WWOX: variants seen among roughly 807,000 people sequenced by gnomAD.
WWOX encodes the protein WW domain containing oxidoreductase, also known as WW domain-containing oxidoreductase.
A neutral mutation model predicts 46.2 loss-of-function variants in WWOX; 69 were observed. The observed-to-expected ratio is 1.49, with a 90% CI of 1.23 to 1.82. The LOEUF (loss-of-function observed/expected upper bound fraction) is 1.82, where lower values mean the gene tolerates loss of function less well. Among genes scored for constraint, WWOX ranks in the 40% most tolerant of loss-of-function variants. The pLI is 0.00. For missense variants in WWOX, 919 were observed against 542.6 expected, an observed-to-expected ratio of 1.69 and a Z score of -6.89; for synonymous variants, 359 against 202.6, an observed-to-expected ratio of 1.77 and a Z score of -6.56.
chr16:79,195,288 G>A (rs570575595), intron 8 of WWOX, among the ~76,000 whole-genome samples: 4 of 152,238 alleles, frequency 2.6e-5, no homozygotes, highest in African/African-American at 9.6e-5. Flanking sequence ...GCAGGATGGG[G>A]TGGAGGGAGG....
chr16:79,152,447 G>T (rs148996841), intron 8 of WWOX, among the ~76,000 whole-genome samples: 207 of 152,172 alleles, frequency 1.4e-3, no homozygotes, highest in African/African-American at 4.4e-3. Context: ...TGAGGCGGGC[G>T]GATCACGAGG....
chr16:78,994,020 G>A (rs1159625440), intron 8 of WWOX, among the ~76,000 whole-genome samples: 1 of 152,152 alleles, frequency 6.6e-6, no homozygotes, highest in African/African-American at 2.4e-5. Flanking sequence ...AGGGTACCCT[G>A]GACCCCTGTC....
chr16:78,287,201 G>A (rs1232373041), intron 5 of WWOX, among the ~76,000 whole-genome samples: 2 of 152,220 alleles, frequency 1.3e-5, no homozygotes, highest in African/African-American at 2.4e-5. Context: ...TAGTAAATGA[G>A]GCTTCATGCT....
At chr16:78,309,532 A>G (rs1019812658) in intron 5 of WWOX, among the ~76,000 whole-genome samples, 2 of 152,148 alleles carry the variant, frequency 1.3e-5, no homozygotes, top group Non-Finnish European at 2.9e-5. Context: ...TACTCCTTAC[A>G]TATATTGATA....
chr16:78,970,722 T>C (rs1187808638), intron 8 of WWOX, among the ~76,000 whole-genome samples: 3 of 152,034 alleles, frequency 2.0e-5, no homozygotes, highest in African/African-American at 7.3e-5. Context: ...TGTAGAACTT[T>C]CACAGAACAG....
At chr16:78,783,840 ATGATGATGGTGATATGACGC>A (rs150547806) in intron 8 of WWOX, among the ~76,000 whole-genome samples, 30 of 151,404 alleles carry the variant, frequency 2.0e-4, no homozygotes, top group African/African-American at 7.0e-4. Context: ...GATGGTGGTG[ATGATGATGGTGATATGACGC>A]TGATGATGGT....
intron 8 of WWOX, among the ~76,000 whole-genome samples, chr16:78,659,040 C>T (rs1270074154): frequency 1.3e-5 from 2 of 149,670 alleles, no homozygotes; most frequent in Admixed American, 1.3e-4. Context: ...TGCAGTGAGC[C>T]GAGATTGTGC....
chr16:78,435,337 C>T lies in WWOX; in HGVS notation c.1056+2585C>T, dbSNP rs76318334. ...CCCACCAGTGTGCAGCAGCCTCTGC[C>T]GCACCCTACTGCAGTCTCTCCTATT... On this transcript the variant is annotated intron_variant, in intron 8 of 8. Coordinates refer to ENST00000566780, the MANE Select transcript of WWOX (RefSeq NM_016373.4). Among the ~76,000 whole-genome samples, 858 of 152,296 alleles carry T rather than the reference C, an allele frequency of 5.6e-3. 33 individuals carry two copies. In the East Asian group the frequency reaches 0.11, roughly 19 times the overall value.
At chr16:78,431,665 A>G (rs2083220043) in intron 7 of WWOX, among the ~76,000 whole-genome samples, 1 of 147,358 alleles carries the variant, frequency 6.8e-6, no homozygotes. Context: ...GTGGGTCTTT[A>G]TTGAAGTCTC....
chr16:78,136,923 C>G (rs926081071), intron 4 of WWOX, among the ~76,000 whole-genome samples: 4 of 152,138 alleles, frequency 2.6e-5, no homozygotes, highest in African/African-American at 9.7e-5. Flanking sequence ...AGGGCAGACC[C>G]CATTCATGCA....
At chr16:78,207,655 A>C (rs1254111336) in intron 5 of WWOX, among the ~76,000 whole-genome samples, 1 of 151,458 alleles carries the variant, frequency 6.6e-6, no homozygotes, top group African/African-American at 2.4e-5. Flanking sequence ...AGCATCTGCT[A>C]TATCCGGTAA....
intron 8 of WWOX, among the ~76,000 whole-genome samples, chr16:78,743,043 G>A (rs905051793): frequency 6.6e-6 from 1 of 151,992 alleles, no homozygotes; most frequent in Non-Finnish European, 1.5e-5. Flanking sequence ...GAGGTTAGGT[G>A]TCTGCCGTGC....
intron 8 of WWOX, among the ~76,000 whole-genome samples, chr16:78,805,720 T>G (rs8049121): frequency 0.091 from 13,822 of 152,274 alleles, 770 homozygotes; most frequent in African/African-American, 0.16. Context: ...TAAGTCACTG[T>G]CACTCTTTGC....
intron 8 of WWOX, among the ~76,000 whole-genome samples, chr16:78,608,152 C>A (rs117630856): frequency 6.6e-6 from 1 of 152,076 alleles, no homozygotes; most frequent in Non-Finnish European, 1.5e-5. Flanking sequence ...AGAGGTCGTA[C>A]GTTGACCATG....
chr16:78,605,361 TAA>T (rs79605842), intron 8 of WWOX, among the ~76,000 whole-genome samples: 3 of 145,288 alleles, frequency 2.1e-5, no homozygotes, highest in African/African-American at 2.5e-5. Flanking sequence ...CTTAAGTCCT[TAA>T]AAAAAAAAAA....
intron 6 of WWOX, among the ~76,000 whole-genome samples, chr16:78,406,162 T>G (rs573927456): frequency 5.0e-4 from 76 of 151,676 alleles, no homozygotes; most frequent in African/African-American, 1.8e-3. Flanking sequence ...TATCGTCATT[T>G]TTGCAAAATC....
chr16:78,538,288 G>T (rs575259631), intron 8 of WWOX, among the ~76,000 whole-genome samples: 3 of 148,006 alleles, frequency 2.0e-5, no homozygotes, highest in Admixed American at 6.7e-5. Context: ...ACATTATTTT[G>T]GATGTCTGGG....
chr16:78,650,889 C>G (rs1206341398), intron 8 of WWOX, among the ~76,000 whole-genome samples: 3 of 152,208 alleles, frequency 2.0e-5, no homozygotes, highest in South Asian at 4.1e-4. Flanking sequence ...CTTGGCACAT[C>G]TTCCATTGGA....
intron 8 of WWOX, among the ~76,000 whole-genome samples, chr16:78,549,890 C>T (rs925510983): frequency 1.3e-5 from 2 of 150,960 alleles, no homozygotes; most frequent in African/African-American, 2.4e-5. Context: ...TTTATTTAGC[C>T]AGATAAAATA....
Sources: allele counts gnomAD v4.1 joint callset (sites outside exome capture counted in the v4.1 genomes callset), GRCh38; gene constraint gnomAD v4.1.1; transcripts MANE v1.5; gene names NCBI Gene and HGNC (gene_info 2026-07-23, HGNC 2026-07-21).